Variants in C10orf90 observed in about 807,000 individuals in gnomAD.
C10orf90 encodes the protein (E2-independent) E3 ubiquitin-conjugating enzyme FATS.
Under a neutral mutation model 62.5 loss-of-function variants are expected in C10orf90, and 56 were observed. The ratio of observed to expected loss-of-function variants is 0.90; its 90% confidence interval spans 0.72 to 1.12. C10orf90 has a LOEUF of 1.12. Ranked by LOEUF, C10orf90 falls within the 50% of genes most tolerant of loss-of-function variation. C10orf90 has a pLI of 0.00. For synonymous variants in C10orf90, 386 were observed against 340.4 expected, an observed-to-expected ratio of 1.13 and a Z score of -1.47; for missense variants, 970 against 880.4, an observed-to-expected ratio of 1.10 and a Z score of -1.29.
chr10:126,458,738 G>C (rs1859746463), intron 7 of C10orf90, among the ~76,000 whole-genome samples: 1 of 152,152 alleles, frequency 6.6e-6, no homozygotes, highest in African/African-American at 2.4e-5. Context: ...TATCTATTAG[G>C]AGCCAAGAAT....
At chr10:126,492,240 G>GCC (rs1861806173) in intron 4 of C10orf90, among the ~76,000 whole-genome samples, 1 of 152,170 alleles carries the variant, frequency 6.6e-6, no homozygotes, top group Non-Finnish European at 1.5e-5. Context: ...TTTTGGTTGT[G>GCC]TGCTAGGGGG....
chr10:126,520,055 G>A (rs1397726573), intron 2 of C10orf90: 1 of 152,196 alleles, frequency 6.6e-6, no homozygotes, highest in Non-Finnish European at 1.5e-5. Context: ...CTTCATCTGG[G>A]GCAACATCCT....
intron 7 of C10orf90, among the ~76,000 whole-genome samples, chr10:126,443,532 C>T (rs1182745326): frequency 1.3e-5 from 2 of 151,988 alleles, no homozygotes; most frequent in African/African-American, 4.8e-5. Flanking sequence ...TTAAAAATTA[C>T]CAACACAGAA....
intron 7 of C10orf90, among the ~76,000 whole-genome samples, chr10:126,448,417 A>G (rs1422547418): frequency 2.0e-5 from 3 of 152,206 alleles, no homozygotes; most frequent in African/African-American, 7.2e-5. Context: ...AAATGCCTAC[A>G]TTAAGAAAGA....
intron 2 of C10orf90, among the ~76,000 whole-genome samples, chr10:126,575,612 T>C (rs983483600): frequency 6.6e-6 from 1 of 151,750 alleles, no homozygotes; most frequent in Non-Finnish European, 1.5e-5. Context: ...GGATTCTGAA[T>C]AGCCAGCCAA....
At chr10:126,479,594 A>G (rs896332123) in intron 4 of C10orf90, among the ~76,000 whole-genome samples, 4 of 152,316 alleles carry the variant, frequency 2.6e-5, no homozygotes, top group Non-Finnish European at 5.9e-5. Context: ...GCAGCTGACA[A>G]CAGGCATGGC....
intron 7 of C10orf90, among the ~76,000 whole-genome samples, chr10:126,431,009 C>T (rs1486315064): frequency 6.6e-6 from 1 of 152,140 alleles, no homozygotes; most frequent in Non-Finnish European, 1.5e-5. Flanking sequence ...CTAAGCTTGT[C>T]CCCTGTCTGG....
intron 4 of C10orf90, among the ~76,000 whole-genome samples, chr10:126,487,276 A>G (rs1262225434): frequency 6.6e-6 from 1 of 152,050 alleles, no homozygotes; most frequent in African/African-American, 2.4e-5. Context: ...CAAAATTTCC[A>G]GAAGGAATAA....
At chr10:126,565,235 G>A (rs1410232530) in intron 2 of C10orf90, among the ~76,000 whole-genome samples, 4 of 48,622 alleles carry the variant, frequency 8.2e-5, no homozygotes, top group African/African-American at 2.7e-4. Context: ...TACATATTAT[G>A]TAATATAATA....
chr10:126,624,853 G>T (rs1225756835), intron 2 of C10orf90, among the ~76,000 whole-genome samples: 1 of 152,128 alleles, frequency 6.6e-6, no homozygotes, highest in Non-Finnish European at 1.5e-5. Flanking sequence ...AAGGTTGCCC[G>T]CAGCAGGTTA....
intron 2 of C10orf90, among the ~76,000 whole-genome samples, chr10:126,627,764 G>C (rs1845774869): frequency 6.6e-6 from 1 of 152,142 alleles, no homozygotes; most frequent in South Asian, 2.1e-4. Context: ...CTCCTCCCTT[G>C]TATTTTTTAG....
intron 2 of C10orf90, among the ~76,000 whole-genome samples, chr10:126,548,469 C>G (rs552713609): frequency 6.6e-6 from 1 of 152,166 alleles, no homozygotes; most frequent in Non-Finnish European, 1.5e-5. Context: ...CAGGTTCAAG[C>G]GATTCTCCTG....
chr10:126,662,663 C>G (rs1564914779), intron 1 of C10orf90, among the ~76,000 whole-genome samples: 1 of 152,190 alleles, frequency 6.6e-6, no homozygotes, highest in Admixed American at 6.5e-5. Flanking sequence ...CTCTGTCCCC[C>G]CACGCCTGGA....
chr10:126,570,156 T>C (rs1174582186), intron 2 of C10orf90, among the ~76,000 whole-genome samples: 1 of 152,212 alleles, frequency 6.6e-6, no homozygotes, highest in Non-Finnish European at 1.5e-5. Flanking sequence ...AGCCCCTGGT[T>C]TATGCTGCAC....
chr10:126,662,401 G>A (rs1330894953), intron 1 of C10orf90, among the ~76,000 whole-genome samples: 1 of 152,060 alleles, frequency 6.6e-6, no homozygotes, highest in Non-Finnish European at 1.5e-5. Context: ...TCTCTGTCTG[G>A]TCATAGAGAC....
At chr10:126,486,957 A>G (rs1043668070) in intron 4 of C10orf90, among the ~76,000 whole-genome samples, 1 of 151,972 alleles carries the variant, frequency 6.6e-6, no homozygotes, top group Non-Finnish European at 1.5e-5. Context: ...AGCCTGGCCA[A>G]CATAGTGAAA....
intron 7 of C10orf90, among the ~76,000 whole-genome samples, chr10:126,441,118 C>T (rs1858291435): frequency 6.6e-6 from 1 of 151,956 alleles, no homozygotes; most frequent in African/African-American, 2.4e-5. Flanking sequence ...GAGCCCAGTG[C>T]AAGGAAACCC....
chr10:126,618,662 G>GAA (rs11374938), intron 2 of C10orf90, among the ~76,000 whole-genome samples: 1 of 150,026 alleles, frequency 6.7e-6, no homozygotes, highest in African/African-American at 2.5e-5. Context: ...TTCATATATA[G>GAA]AAAAAAAAAC....
chr10:126,554,402 A>T (rs1427811625), intron 2 of C10orf90, among the ~76,000 whole-genome samples: 1 of 152,162 alleles, frequency 6.6e-6, no homozygotes, highest in Non-Finnish European at 1.5e-5. Flanking sequence ...AAGCCTTCGG[A>T]ATTCAGAAGG....
Sources: allele counts gnomAD v4.1 joint callset (sites outside exome capture counted in the v4.1 genomes callset), GRCh38; gene constraint gnomAD v4.1.1; transcripts MANE v1.5; gene names NCBI Gene and HGNC (gene_info 2026-07-23, HGNC 2026-07-21).